The following SLCO3A1 variants were observed in gnomAD, a reference collection of about 807,000 sequenced individuals.
SLCO3A1 encodes solute carrier organic anion transporter family member 3A1.
SLCO3A1 carries 27 observed loss-of-function variants against 63.1 expected under a neutral mutation model. The observed-to-expected ratio is 0.43, with a 90% confidence interval of 0.32 to 0.59. The LOEUF is 0.59. Among genes scored for constraint, SLCO3A1 ranks in the 20% least tolerant of loss-of-function variants. SLCO3A1 has a pLI of 0.09. For missense variants in SLCO3A1, 773 were observed against 945.8 expected (o/e 0.82, Z 2.40); for synonymous variants, 473 against 409.9 (o/e 1.15, Z -1.86).
chr15:92,125,692 A>G (rs940407955), intron 5 of SLCO3A1, among the ~76,000 whole-genome samples: 6 of 151,988 alleles, frequency 3.9e-5, no homozygotes, highest in Non-Finnish European at 1.5e-5. Flanking sequence ...CTCACAGAGC[A>G]CATCACTGCT....
intron 2 of SLCO3A1, among the ~76,000 whole-genome samples, chr15:91,937,880 A>G (rs1157058172): frequency 6.6e-6 from 1 of 152,182 alleles, no homozygotes; most frequent in East Asian, 1.9e-4. Flanking sequence ...GCAGTCTTGC[A>G]TAATTGACTT....
rs2048455092 is a variant in SLCO3A1 at position 92,162,749 on chromosome 15, G to C, written c.1754-7G>C. ...CCAGAACCTTAACATTCTTTTCCCG[G>C]TAACAGGCTTCATCCCTCCACCCCT... On this transcript the variant is annotated splice_region_variant and splice_polypyrimidine_tract_variant and intron_variant, in intron 9 of 9. Transcript: ENST00000318445. 6.2e-7 allele frequency: 1 copy of C among 1,605,798 alleles called. No individual in the cohort carries two copies. The highest frequency in any genetic ancestry group is 1.3e-5 in the African/African-American group (1 of 74,598).
chr15:91,920,696 C>T (rs1223156801), intron 2 of SLCO3A1, among the ~76,000 whole-genome samples: 1 of 152,174 alleles, frequency 6.6e-6, no homozygotes, highest in Non-Finnish European at 1.5e-5. Flanking sequence ...GCAGTAACCA[C>T]TAGGAGGTTT....
chr15:91,964,808 TGCGATGAAGAAGTG>T (rs1323116025), intron 2 of SLCO3A1, among the ~76,000 whole-genome samples: 2 of 152,112 alleles, frequency 1.3e-5, no homozygotes, highest in Non-Finnish European at 2.9e-5. Context: ...ACCTCCCTTT[TGCGATGAAGAAGTG>T]GCAGCTCACA....
intron 2 of SLCO3A1, among the ~76,000 whole-genome samples, chr15:91,983,288 A>G (rs183255593): frequency 6.6e-6 from 1 of 152,324 alleles, no homozygotes; most frequent in African/African-American, 2.4e-5. Flanking sequence ...TTTAACAAGA[A>G]GGCTTGGTGC....
Position 92,163,385 on chromosome 15 carries a change from C to A in SLCO3A1, c.*250C>A. On this transcript the variant is annotated 3_prime_UTR_variant, in exon 10 of 10. Transcript: ENST00000318445. ...CACTTGCGCGGCTGGGCCACAGAGT[C>A]TACTTTGAAGGCACCTCATGGTTTT... is the stretch of plus-strand genomic sequence containing the variant. 2 of 1,134,460 alleles carry A rather than the reference C, an allele frequency of 1.8e-6. No individual in the cohort carries two copies. Among genetic ancestry groups the A allele is most frequent in the East Asian group, 4.6e-5 (1 of 21,916 alleles). The allele number at this position is 1,134,460 out of a possible 1,614,324, so 70.3% of individuals were successfully genotyped here. A position where few individuals can be genotyped will look rare whatever the true frequency, so the allele number is the denominator to read the frequency against.
At chr15:91,898,346 A>C (rs1446804756) in intron 1 of SLCO3A1, among the ~76,000 whole-genome samples, 1 of 152,224 alleles carries the variant, frequency 6.6e-6, no homozygotes, top group Non-Finnish European at 1.5e-5. Context: ...ATTTGCTAAT[A>C]TTTCTAATAC....
chr15:91,918,396 G>A (rs540546488), intron 2 of SLCO3A1, among the ~76,000 whole-genome samples: 23 of 152,136 alleles, frequency 1.5e-4, no homozygotes, highest in East Asian at 3.9e-4. Flanking sequence ...CATGACATAC[G>A]AACATCTTGG....
Position 91,897,898 on chromosome 15 carries a change from C to T in SLCO3A1, c.181-18095C>T, listed in dbSNP as rs370128888. 5.3e-5 allele frequency among the ~76,000 whole-genome samples: 8 copies of T among 152,200 alleles called. No homozygotes were observed. The East Asian group carries it at 1.2e-3, about 22-fold the overall frequency. ...GCTGAAACTGCAGGGCAGAGCCAGGCGAAGTTGAGAACAAGAAGGAATCGC... is the reference window on the plus strand; with the variant it reads ...GCTGAAACTGCAGGGCAGAGCCAGGTGAAGTTGAGAACAAGAAGGAATCGC... On this transcript the variant is annotated intron_variant, in intron 1 of 9. Coordinates refer to ENST00000318445, the MANE Select transcript of SLCO3A1 (RefSeq NM_013272.4). This position sits in a 1 kb window ranked among gnomAD's most constrained non-coding sequence, Gnocchi z 4.7.
rs1489606173 is a variant in SLCO3A1, at chr15:92,163,787, G to A, written c.*652G>A. 1.9e-5 allele frequency: 19 copies of A among 985,322 alleles called. No individual in the cohort carries two copies. In the South Asian group the frequency reaches 5.6e-4, roughly 29 times the overall value. The allele number at this position is 985,322 out of a possible 1,614,324, so 61.0% of individuals were successfully genotyped here. On this transcript the variant is annotated 3_prime_UTR_variant, in exon 10 of 10. Transcript: ENST00000318445. ...TCTCAGTGATGCTAATGGGTGATCC[G>A]TGCTGGAGTTTGTAATTGGCACCTC...
chr15:92,102,073 C>T (rs1353341435), intron 3 of SLCO3A1, among the ~76,000 whole-genome samples: 1 of 152,140 alleles, frequency 6.6e-6, no homozygotes. Flanking sequence ...TAGGATTTCT[C>T]TCTCTTTACC....
intron 5 of SLCO3A1, among the ~76,000 whole-genome samples, chr15:92,123,543 C>G (rs1377973423): frequency 1.3e-5 from 2 of 152,212 alleles, no homozygotes. Flanking sequence ...AAAGAACTCT[C>G]TACCACCCAC....
Position 92,036,445 on chromosome 15 carries a change from T to C in SLCO3A1, c.647-58436T>C, listed in dbSNP as rs565520298. 3.6e-3 allele frequency among the ~76,000 whole-genome samples: 539 copies of C among 151,772 alleles called. 2 individuals carry two copies. Among genetic ancestry groups the C allele is most frequent in the Non-Finnish European group, 4.7e-3 (319 of 67,914 alleles). Reference sequence around the variant, plus strand: ...CACTTCGCCAAGAATTAAGGGACTCTAGCTCCTGGGAGCTGCCTTTAGGTT... The same window carrying C: ...CACTTCGCCAAGAATTAAGGGACTCCAGCTCCTGGGAGCTGCCTTTAGGTT... On this transcript the variant is annotated intron_variant, in intron 2 of 9. Transcript: ENST00000318445.
intron 9 of SLCO3A1, chr15:92,151,306 G>A: frequency 3.5e-6 from 1 of 288,424 alleles, no homozygotes; most frequent in Non-Finnish European, 6.4e-6. Context: ...ATCTGGTGGT[G>A]TAATTTGGCA....
In SLCO3A1 at chr15:92,033,034, T is replaced by G. The variant is rs2151481171; in HGVS notation, c.647-61847T>G. On this transcript the variant is annotated intron_variant, in intron 2 of 9. Coordinates refer to ENST00000318445, the MANE Select transcript of SLCO3A1 (RefSeq NM_013272.4). This position sits in a 1 kb window ranked among gnomAD's most constrained non-coding sequence, Gnocchi z 4.5. ...TTTAGCTGGTAGTGTGGGATGTGGG[T>G]TTAGCACTTAGAGCATGGATCAGAG... Among the ~76,000 whole-genome samples, 1 of 152,172 alleles carries G rather than the reference T, an allele frequency of 6.6e-6. No individual in the cohort carries two copies. The highest frequency in any genetic ancestry group is 6.5e-5 in the Admixed American group (1 of 15,286).
intron 2 of SLCO3A1, among the ~76,000 whole-genome samples, chr15:92,061,608 T>A (rs2047086994): frequency 6.6e-6 from 1 of 152,196 alleles, no homozygotes; most frequent in Admixed American, 6.5e-5. Context: ...GTTGGGAAGA[T>A]CCTAAGAAAG....
In SLCO3A1 at chr15:92,104,549, G is replaced by C. The variant is rs753836860; in HGVS notation, c.1009+7G>C. On this transcript the variant is annotated splice_region_variant and intron_variant, in intron 4 of 9. Transcript: ENST00000318445. ...TGTTTCCAGCAGCTGAGAGGTAAAG[G>C]TGGCCTCATCTGCCTCTGCTCAGAA... 1.2e-6 allele frequency: 2 copies of C among 1,611,310 alleles called. No individual in the cohort carries two copies. Among genetic ancestry groups the C allele is most frequent in the African/African-American group, 1.3e-5 (1 of 74,896 alleles).
In SLCO3A1 at chr15:91,941,500, GACCTTGGCCAAGTT is replaced by G. The variant is rs1297176170; in HGVS notation, c.646+25047_646+25060del. 2.2e-6 allele frequency: 1 copy of G among 455,274 alleles called. No individual in the cohort carries two copies. The highest frequency in any genetic ancestry group is 2.0e-5 in the African/African-American group (1 of 49,994). 28.2% of individuals were successfully genotyped at this position (455,274 alleles called of 1,614,324 possible). A position where few individuals can be genotyped will look rare whatever the true frequency, so the allele number is the denominator to read the frequency against. On this transcript the variant is annotated intron_variant, in intron 2 of 9. Transcript: ENST00000318445. This position sits in a 1 kb window ranked among gnomAD's most constrained non-coding sequence, Gnocchi z 4.4. The stretch of plus-strand genomic sequence containing the variant: ...CTTCAACTCTGAGCCTTGATTGAGT[GACCTTGGCCAAGTT>G]ACCTAGCTTTTCTGAGCCTCACTTT...
intron 5 of SLCO3A1, among the ~76,000 whole-genome samples, chr15:92,124,391 A>C (rs907970067): frequency 9.9e-5 from 15 of 152,114 alleles, no homozygotes; most frequent in African/African-American, 3.6e-4. Flanking sequence ...TGCCATGGTT[A>C]CCATCCTTGA....
Sources: allele counts gnomAD v4.1 joint callset (sites outside exome capture counted in the v4.1 genomes callset), GRCh38; gene constraint gnomAD v4.1.1; non-coding constraint Gnocchi (gnomAD v3.1); transcripts MANE v1.5; gene names NCBI Gene and HGNC (gene_info 2026-07-23, HGNC 2026-07-21).